SP2: variants seen among roughly 807,000 people sequenced by gnomAD.
The protein encoded by SP2 is transcription factor Sp2.
In SP2, 9 loss-of-function variants were observed where a neutral mutation model predicts 50.1. That is an observed-to-expected ratio of 0.18 (90% CI 0.11 to 0.31). The LOEUF (loss-of-function observed/expected upper bound fraction) is 0.31. Ranked by LOEUF, SP2 falls within the 10% of genes least tolerant of loss-of-function variation. The pLI is 1.00. For synonymous variants in SP2, 313 were observed against 326.6 expected, an observed-to-expected ratio of 0.96 and a Z score of 0.45; for missense variants, 581 against 806.5, an observed-to-expected ratio of 0.72 and a Z score of 3.39.
At chr17:47,931,281 A>G (rs749141259), downstream of SP2, among the ~76,000 whole-genome samples, 19 of 152,182 alleles carry the variant, frequency 1.2e-4, no homozygotes, top group Non-Finnish European at 1.8e-4. Context: ...CAGTAGGCAG[A>G]GGTTGCAGTG....
chr17:47,913,001 G>A (rs568556130), intron 1 of SP2, among the ~76,000 whole-genome samples: 11 of 151,402 alleles, frequency 7.3e-5, no homozygotes, highest in Admixed American at 5.3e-4. Context: ...CTGGGATTAC[G>A]GGCACCTGCC....
At chr17:47,914,526 C>T (rs2035114007) in intron 1 of SP2, among the ~76,000 whole-genome samples, 1 of 152,158 alleles carries the variant, frequency 6.6e-6, no homozygotes, top group Non-Finnish European at 1.5e-5. Context: ...ACTTCCCTCC[C>T]AGTTTTGGCA....
chr17:47,910,983 T>C (rs1019777883), intron 1 of SP2, among the ~76,000 whole-genome samples: 1 of 152,100 alleles, frequency 6.6e-6, no homozygotes, highest in Admixed American at 6.6e-5. Flanking sequence ...CCCAGCACTT[T>C]TGGAGGTGGA....
chr17:47,901,764 C>CA (rs2034551345), intron 1 of SP2, among the ~76,000 whole-genome samples: 1 of 152,094 alleles, frequency 6.6e-6, no homozygotes, highest in Non-Finnish European at 1.5e-5. Context: ...GACCTAGTGC[C>CA]AGGATATGCA....
At chr17:47,915,644 G>A (rs1462481898) in intron 2 of SP2, among the ~76,000 whole-genome samples, 1 of 152,160 alleles carries the variant, frequency 6.6e-6, no homozygotes, top group Non-Finnish European at 1.5e-5. Context: ...GGAAAACAGA[G>A]GCTTTCTCAT....
At chr17:47,910,767 G>A (rs983774705) in intron 1 of SP2, among the ~76,000 whole-genome samples, 14 of 152,162 alleles carry the variant, frequency 9.2e-5, no homozygotes, top group Non-Finnish European at 2.1e-4. Flanking sequence ...CTAAAGTTAT[G>A]TCATCTTTCA....
chr17:47,929,525 T>C (rs2035775713), downstream of SP2, among the ~76,000 whole-genome samples: 1 of 152,256 alleles, frequency 6.6e-6, no homozygotes, highest in African/African-American at 2.4e-5. Context: ...TAGAGGACTC[T>C]GGCCACAGAT....
At chr17:47,913,090 A>G (rs767975874) in intron 1 of SP2, among the ~76,000 whole-genome samples, 1 of 151,910 alleles carries the variant, frequency 6.6e-6, no homozygotes, top group Non-Finnish European at 1.5e-5. Flanking sequence ...CTAACTCCTG[A>G]GCTCAGGCAA....
Position 47,916,366 on chromosome 17 carries a change from T to C in SP2, c.295T>C (p.Ser99Pro). 1 of 1,613,852 alleles carries C rather than the reference T, an allele frequency of 6.2e-7. No homozygotes were observed. The highest frequency in any genetic ancestry group is 2.2e-5 in the East Asian group (1 of 44,868). ...AGGAAATATACTTCAGATTCAGGGG[T>C]CACAACTGAGCGCCTCCTATCCTGG... Reference protein sequence around the residue: ...SKGNILQIQGSQLSASYPGGQ... With the variant: ...SKGNILQIQGPQLSASYPGGQ... Residue 99 changes from serine to proline, a missense_variant, in exon 3 of 7, where the codon TCA (serine) becomes CCA (proline). Physicochemically the swap from Ser to Pro is moderately conservative, Grantham distance 74. Transcript: ENST00000376741. This position sits in a 1 kb window ranked among gnomAD's most constrained non-coding sequence, Gnocchi z 4.7.
rs755118037 is a variant in SP2 at position 47,915,361 on chromosome 17, C to T, written c.57C>T (p.Tyr19=). The T allele has an allele frequency of 3.1e-6, 5 of 1,613,178 alleles. No individual in the cohort carries two copies. The highest frequency in any genetic ancestry group is 3.4e-6 in the Non-Finnish European group (4 of 1,179,618). Residue 19 remains tyrosine (Y), a synonymous_variant, in exon 2 of 7, where the codon TAC becomes TAT. Transcript: ENST00000376741. ...AATAAVSPSD[Y]LQPAASTTQD... is the part of the protein sequence containing the mutation. ...CTGCTGCTGTGAGTCCCAGTGACTA[C>T]CTGCAGCCTGCCGCCTCCACCACCC...
At chr17:47,903,226 G>C (rs2034613694) in intron 1 of SP2, among the ~76,000 whole-genome samples, 1 of 152,258 alleles carries the variant, frequency 6.6e-6, no homozygotes, top group South Asian at 2.1e-4. Flanking sequence ...AACAGGTGTA[G>C]ACAGAAGAAA....
chr17:47,923,328 G>A, intron 4 of SP2, 54 bp downstream of exon 4: 1 of 1,465,468 alleles, frequency 6.8e-7, no homozygotes. Context: ...CTCCTAGCAG[G>A]TGGAAACTAT....
rs1370893494 is a variant in SP2, at chr17:47,928,574, TCTCA to T, written c.*754_*757del. 6.6e-6 allele frequency: 1 copy of T among 152,648 alleles called. No individual in the cohort carries two copies. The highest frequency in any genetic ancestry group is 2.4e-5 in the African/African-American group (1 of 41,446). The allele number at this position is 152,648 out of a possible 1,614,324, so 9.5% of individuals were successfully genotyped here. On this transcript the variant is annotated 3_prime_UTR_variant, in exon 7 of 7. Coordinates refer to ENST00000376741, the MANE Select transcript of SP2 (RefSeq NM_003110.6). ...GGCAATGATGAGCATATGAATTTTT[TCTCA>T]CTCTAGCAATTCCCTTTTCTAAATG...
intron 1 of SP2, chr17:47,908,487 A>G (rs1335611192): frequency 1.3e-5 from 2 of 152,094 alleles, no homozygotes; most frequent in Admixed American, 6.6e-5. Flanking sequence ...TATCAGCAAC[A>G]TGGTCTGAGA....
chr17:47,924,964 C>T lies in SP2; in HGVS notation c.1418C>T (p.Thr473Ile). 6.2e-7 allele frequency: 1 copy of T among 1,613,224 alleles called. No individual in the cohort carries two copies. The highest frequency in any genetic ancestry group is 8.5e-7 in the Non-Finnish European group (1 of 1,179,360). The part of the protein sequence containing the change: ...TVQNVSGNNL[T>I]ISGLSPTQIQ... ...CAGAATGTTTCTGGGAACAACCTGA[C>T]CATCAGTGGGCTGAGCCCCACCCAG... The change falls in exon 5 of 7, where the codon ACC (threonine) becomes ATC (isoleucine). Residue 473 changes from threonine to isoleucine, a missense_variant. Coordinates refer to ENST00000376741, the MANE Select transcript of SP2 (RefSeq NM_003110.6).
intron 3 of SP2, 111 bp from the exon 4 acceptor site, chr17:47,922,851 G>A: frequency 1.1e-6 from 1 of 894,956 alleles, no homozygotes. Context: ...GTGAATTGAA[G>A]AGACTTTTAG....
downstream of SP2, among the ~76,000 whole-genome samples, chr17:47,931,536 G>A (rs2035818635): frequency 6.6e-6 from 1 of 152,154 alleles, no homozygotes; most frequent in African/African-American, 2.4e-5. Flanking sequence ...GATGAAAGCT[G>A]TCCTGGTCTG....
At chr17:47,899,132 C>G (rs1010273958) in intron 1 of SP2, 1 of 152,178 alleles carries the variant, frequency 6.6e-6, no homozygotes, top group South Asian at 2.1e-4. Context: ...AAAGTTCTTT[C>G]TCTTTATTTC....
In SP2 at chr17:47,916,464, G is replaced by C; in HGVS notation, c.393G>C (p.Gln131His). The C allele has an allele frequency of 6.2e-7, 1 of 1,614,078 alleles. No homozygotes were observed. The highest frequency in any genetic ancestry group is 8.5e-7 in the Non-Finnish European group (1 of 1,180,026). Residue 131 changes from glutamine to histidine, a missense_variant, in exon 3 of 7, where the codon CAG becomes CAC. Around this residue, in one of 2 missense-constraint regions of SP2, gnomAD observed 397 missense variants for 491.0 expected, o/e 0.81. Coordinates refer to ENST00000376741, the MANE Select transcript of SP2 (RefSeq NM_003110.6). This position sits in a 1 kb window ranked among gnomAD's most constrained non-coding sequence, Gnocchi z 4.7. The stretch of plus-strand genomic sequence containing the variant: ...GGACCCGATCAAATGCCAATATCCA[G>C]TACCAGGCGGTCCCTCAGATTCAGG... ...NKGTRSNANI[Q>H]YQAVPQIQAS...
Sources: allele counts gnomAD v4.1 joint callset (sites outside exome capture counted in the v4.1 genomes callset), GRCh38; gene constraint gnomAD v4.1.1; regional missense constraint gnomAD v4.1.1; non-coding constraint Gnocchi (gnomAD v3.1); transcripts MANE v1.5; gene names NCBI Gene and HGNC (gene_info 2026-07-23, HGNC 2026-07-21).